Variants in SLC2A13 observed in about 807,000 individuals in gnomAD.
The protein encoded by SLC2A13 is solute carrier family 2 member 13.
In SLC2A13, 32 loss-of-function variants were observed where a neutral mutation model predicts 64.4. That is an observed-to-expected ratio of 0.50 (90% CI 0.37 to 0.67). SLC2A13 has a LOEUF of 0.67. SLC2A13 is among the 30% of genes least tolerant of loss of function. SLC2A13 has a pLI of 0.00. For synonymous variants in SLC2A13, 338 were observed against 327.1 expected (o/e 1.03, Z -0.36); for missense variants, 743 against 829.2 (o/e 0.90, Z 1.28).
chr12:39,898,907 AGG>A (rs1229064175), intron 4 of SLC2A13, among the ~76,000 whole-genome samples: 2 of 152,198 alleles, frequency 1.3e-5, no homozygotes, highest in African/African-American at 4.8e-5. Context: ...GAAAAAGGAA[AGG>A]AGAGAAGGAA....
chr12:40,028,618 G>C (rs895340926), intron 2 of SLC2A13, 109 bp from the exon 3 acceptor site: 20 of 1,023,112 alleles, frequency 2.0e-5, no homozygotes, highest in Non-Finnish European at 2.8e-5. Flanking sequence ...TGTGAAGTTA[G>C]CCAGAATTAT....
intron 1 of SLC2A13, among the ~76,000 whole-genome samples, chr12:40,070,739 C>A (rs1937922731): frequency 6.6e-6 from 1 of 152,116 alleles, no homozygotes; most frequent in Admixed American, 6.6e-5. Context: ...GCTTTTTCTT[C>A]TGTTGTGACC....
intron 3 of SLC2A13, among the ~76,000 whole-genome samples, chr12:40,018,812 T>C (rs982790461): frequency 2.0e-5 from 3 of 152,106 alleles, no homozygotes; most frequent in African/African-American, 7.2e-5. Flanking sequence ...CCACCTTACC[T>C]CCTCAGATCC....
intron 6 of SLC2A13, among the ~76,000 whole-genome samples, chr12:39,839,507 T>C (rs189218956): frequency 3.0e-4 from 46 of 152,250 alleles, no homozygotes; most frequent in Admixed American, 2.9e-3. Flanking sequence ...GGTTGTCTCA[T>C]GGGTAACTCG....
chr12:40,067,540 T>A (rs1189930161), intron 1 of SLC2A13, among the ~76,000 whole-genome samples: 1 of 152,184 alleles, frequency 6.6e-6, no homozygotes, highest in South Asian at 2.1e-4. Context: ...CAAATCCTTT[T>A]AAACCATTTT....
At chr12:39,996,011 T>TA (rs1372055541) in intron 3 of SLC2A13, among the ~76,000 whole-genome samples, 1 of 152,178 alleles carries the variant, frequency 6.6e-6, no homozygotes, top group Non-Finnish European at 1.5e-5. Context: ...TGAAAACAAA[T>TA]ACAGTACATT....
intron 1 of SLC2A13, among the ~76,000 whole-genome samples, chr12:40,083,301 G>A (rs1260635792): frequency 6.6e-6 from 1 of 152,018 alleles, no homozygotes; most frequent in African/African-American, 2.4e-5. Flanking sequence ...CTGGCCCCTA[G>A]GGTCCTCTTT....
At chr12:39,906,942 TC>T (rs1393063718) in intron 4 of SLC2A13, among the ~76,000 whole-genome samples, 5 of 152,172 alleles carry the variant, frequency 3.3e-5, no homozygotes, top group African/African-American at 1.2e-4. Context: ...TTTATTTGAT[TC>T]TTTTTATAAA....
intron 3 of SLC2A13, among the ~76,000 whole-genome samples, chr12:40,014,882 A>G (rs1486483364): frequency 1.3e-5 from 2 of 152,236 alleles, no homozygotes; most frequent in Non-Finnish European, 2.9e-5. Context: ...ATTTGAGATT[A>G]TTATAGAAAA....
chr12:39,854,429 C>A (rs1417389105), intron 6 of SLC2A13, among the ~76,000 whole-genome samples: 1 of 152,114 alleles, frequency 6.6e-6, no homozygotes, highest in Non-Finnish European at 1.5e-5. Context: ...TGGCTGGGGC[C>A]ACATAATCGG....
intron 2 of SLC2A13, among the ~76,000 whole-genome samples, chr12:40,029,438 T>A (rs1446678830): frequency 6.6e-6 from 1 of 152,186 alleles, no homozygotes; most frequent in African/African-American, 2.4e-5. Flanking sequence ...CTAGGGTAGA[T>A]TCCTAACAAT....
At chr12:39,789,864 C>T (rs1456271194) in intron 7 of SLC2A13, among the ~76,000 whole-genome samples, 1 of 152,064 alleles carries the variant, frequency 6.6e-6, no homozygotes, top group African/African-American at 2.4e-5. Context: ...TATTCTTTCC[C>T]ATTTTCCAAT....
chr12:39,792,522 C>G (rs539737275), intron 7 of SLC2A13, among the ~76,000 whole-genome samples: 2 of 152,112 alleles, frequency 1.3e-5, no homozygotes, highest in African/African-American at 4.8e-5. Context: ...AAACATGTGA[C>G]TTGTGACTAC....
chr12:40,023,504 A>G (rs963741252), intron 3 of SLC2A13, among the ~76,000 whole-genome samples: 10 of 152,248 alleles, frequency 6.6e-5, no homozygotes, highest in Non-Finnish European at 1.3e-4. Context: ...ACAAGGTTAT[A>G]TAAAGCACAT....
At chr12:39,826,653 T>C (rs1395833662) in intron 7 of SLC2A13, among the ~76,000 whole-genome samples, 1 of 151,220 alleles carries the variant, frequency 6.6e-6, no homozygotes, top group Non-Finnish European at 1.5e-5. Context: ...AAGGCTTTTT[T>C]CTAAAAGTTC....
At chr12:39,931,662 C>T (rs1945827920) in intron 4 of SLC2A13, among the ~76,000 whole-genome samples, 2 of 152,208 alleles carry the variant, frequency 1.3e-5, no homozygotes, top group East Asian at 1.9e-4. Context: ...TAAAGTGCCA[C>T]ACACTATTGG....
chr12:39,768,973 T>C (rs1280515357), intron 7 of SLC2A13, among the ~76,000 whole-genome samples: 3 of 152,094 alleles, frequency 2.0e-5, no homozygotes. Context: ...TAGAATCCAT[T>C]CTTCCTCTAT....
rs1592107293 is a variant in SLC2A13, at chr12:39,757,979, T to C, written c.*2047A>G. 1 of 152,074 alleles carries C rather than the reference T, an allele frequency of 6.6e-6. No individual in the cohort carries two copies. Among genetic ancestry groups the C allele is most frequent in the Admixed American group, 6.6e-5 (1 of 15,200 alleles). The allele number at this position is 152,074 out of a possible 1,614,324, so 9.4% of individuals were successfully genotyped here. A position where few individuals can be genotyped will look rare whatever the true frequency, so the allele number is the denominator to read the frequency against. On this transcript the variant is annotated 3_prime_UTR_variant, in exon 10 of 10. Coordinates refer to ENST00000280871, the MANE Select transcript of SLC2A13 (RefSeq NM_052885.4). Reference sequence around the variant, plus strand: ...TCCTTATTATATTTTGATTGTACCATATAGTAGCTTATTTTTCACTTCAAT... The same window carrying C: ...TCCTTATTATATTTTGATTGTACCACATAGTAGCTTATTTTTCACTTCAAT...
chr12:39,845,769 A>G, intron 6 of SLC2A13, among the ~76,000 whole-genome samples: 1 of 152,166 alleles, frequency 6.6e-6, no homozygotes, highest in East Asian at 1.9e-4. Flanking sequence ...AAAATTTCAT[A>G]AAATTAAATC....
Sources: allele counts gnomAD v4.1 joint callset (sites outside exome capture counted in the v4.1 genomes callset), GRCh38; gene constraint gnomAD v4.1.1; transcripts MANE v1.5; gene names NCBI Gene and HGNC (gene_info 2026-07-23, HGNC 2026-07-21).